MCTP1: variants seen among roughly 807,000 people sequenced by gnomAD.
MCTP1 encodes multiple C2 and transmembrane domain containing 1, also known as multiple C2 and transmembrane domain-containing protein 1.
Under a neutral mutation model 120.6 loss-of-function variants are expected in MCTP1, and 69 were observed. That is an observed-to-expected ratio of 0.57 (90% CI 0.47 to 0.70). The LOEUF is 0.70. MCTP1 is among the 30% of genes least tolerant of loss of function. The pLI is 0.00. For missense variants in MCTP1, 1,203 were observed against 1,248.8 expected (o/e 0.96, Z 0.55); for synonymous variants, 529 against 493.1 (o/e 1.07, Z -0.96).
Position 94,909,383 on chromosome 5 carries a change from T to C in MCTP1, c.1522-2A>G, listed in dbSNP as rs772689423. ...AGGATTCAACGTTTTTGGCATAATCTGGAAAAAAAAATCATAATTGTCATA... is the reference window on the plus strand; with the variant it reads ...AGGATTCAACGTTTTTGGCATAATCCGGAAAAAAAAATCATAATTGTCATA... On this transcript the variant is annotated splice_acceptor_variant, in intron 9 of 22. Transcript: ENST00000515393. LOFTEE classifies it high-confidence loss of function. 1.3e-6 allele frequency: 2 copies of C among 1,566,680 alleles called. No individual in the cohort carries two copies. Among genetic ancestry groups the C allele is most frequent in the Non-Finnish European group, 1.7e-6 (2 of 1,164,840 alleles).
intron 1 of MCTP1, among the ~76,000 whole-genome samples, chr5:95,099,447 C>CA (rs1157242818): frequency 6.6e-6 from 1 of 151,926 alleles, no homozygotes; most frequent in Non-Finnish European, 1.5e-5. Context: ...ACAACCCCAT[C>CA]AAAAAGTGGG....
At chr5:94,799,273 A>G in intron 17 of MCTP1, 141 bp from the exon 18 acceptor site, 2 of 749,674 alleles carry the variant, frequency 2.7e-6, no homozygotes, top group Non-Finnish European at 4.1e-6. Context: ...AGCCTTGGAA[A>G]CTTTTAGACA....
chr5:95,160,956 G>C (rs1467036285), intron 1 of MCTP1, among the ~76,000 whole-genome samples: 1 of 152,150 alleles, frequency 6.6e-6, no homozygotes, highest in Non-Finnish European at 1.5e-5. Flanking sequence ...GTGTTAGTAA[G>C]GGTGTGGAGA....
At chr5:94,707,647 CGG>C in intron 22 of MCTP1, 80 bp from the exon 23 acceptor site, 1 of 1,070,624 alleles carries the variant, frequency 9.3e-7, no homozygotes, top group Non-Finnish European at 1.4e-6. Flanking sequence ...GAATGAGAGA[CGG>C]TGCTTGGGGG....
At chr5:94,738,350 G>A (rs924480473) in intron 19 of MCTP1, among the ~76,000 whole-genome samples, 15 of 151,942 alleles carry the variant, frequency 9.9e-5, no homozygotes, top group Admixed American at 6.6e-4. Flanking sequence ...CTCTGCTTGA[G>A]AAAAATGAAA....
chr5:95,035,701 T>A lies in MCTP1; in HGVS notation c.721-18217A>T, dbSNP rs553147174. Among the ~76,000 whole-genome samples the A allele has an allele frequency of 5.9e-5, 9 of 152,256 alleles. No individual in the cohort carries two copies. In the East Asian group the frequency reaches 1.7e-3, roughly 29 times the overall value. ...TACAATCATGTAACAAACCTGCATA[T>A]GTACCTCTTGAATGTGTAATTAAAA... On this transcript the variant is annotated intron_variant, in intron 1 of 22. Coordinates refer to ENST00000515393, the MANE Select transcript of MCTP1 (RefSeq NM_024717.7).
intron 19 of MCTP1, among the ~76,000 whole-genome samples, chr5:94,747,953 A>C (rs998832635): frequency 2.0e-5 from 3 of 152,052 alleles, no homozygotes; most frequent in African/African-American, 7.2e-5. Flanking sequence ...TGCTCGGCGT[A>C]GTGGCGCGCG....
intron 2 of MCTP1, among the ~76,000 whole-genome samples, chr5:94,962,576 C>T (rs1293930112): frequency 6.6e-6 from 1 of 151,638 alleles, no homozygotes; most frequent in East Asian, 1.9e-4. Context: ...TTGCAGCAAC[C>T]TGGATGGGAT....
intron 18 of MCTP1, chr5:94,789,243 G>C (rs1372892901): frequency 1.3e-5 from 2 of 152,220 alleles, no homozygotes; most frequent in Non-Finnish European, 2.9e-5. Flanking sequence ...AAATATGAGA[G>C]TAACTGGAAA....
chr5:94,873,972 G>A lies in MCTP1; in HGVS notation c.1934-731C>T, dbSNP rs989171673. ...GCCATACTCAAATCTCATCCTTTCG[G>A]CAATTACATTTTGTGAAGTCCTTAA... On this transcript the variant is annotated intron_variant, in intron 12 of 22. Transcript: ENST00000515393. Among the ~76,000 whole-genome samples the A allele has an allele frequency of 9.2e-5, 14 of 151,574 alleles. No homozygotes were observed. The East Asian group carries it at 2.7e-3, about 29-fold the overall frequency.
intron 10 of MCTP1, among the ~76,000 whole-genome samples, chr5:94,906,075 C>A (rs757915967): frequency 6.6e-6 from 1 of 152,094 alleles, no homozygotes; most frequent in Non-Finnish European, 1.5e-5. Flanking sequence ...TCAGGTTAGA[C>A]GAAGGTTGAA....
chr5:94,909,547 A>G (rs1807897661), intron 9 of MCTP1, among the ~76,000 whole-genome samples, 166 bp from the exon 10 acceptor site: 1 of 152,162 alleles, frequency 6.6e-6, no homozygotes, highest in South Asian at 2.1e-4. Flanking sequence ...TTAGATCTCC[A>G]GCATCTTTAC....
rs1236500891 is a variant in MCTP1, at chr5:95,179,142, T to C, written c.720+104714A>G. Among the ~76,000 whole-genome samples, 3 of 152,256 alleles carry C rather than the reference T, an allele frequency of 2.0e-5. No homozygotes were observed. The South Asian group carries it at 6.2e-4, about 32-fold the overall frequency. Reference sequence around the variant, plus strand: ...CTGACAAAGACAAAGACAAAAAATATTTAAAAATGAACAAAGCCTCCAAGA... The same window carrying C: ...CTGACAAAGACAAAGACAAAAAATACTTAAAAATGAACAAAGCCTCCAAGA... On this transcript the variant is annotated intron_variant, in intron 1 of 22. Coordinates refer to ENST00000515393, the MANE Select transcript of MCTP1 (RefSeq NM_024717.7).
chr5:94,999,795 C>T (rs574547445), intron 2 of MCTP1, among the ~76,000 whole-genome samples: 1 of 152,226 alleles, frequency 6.6e-6, no homozygotes, highest in East Asian at 1.9e-4. Flanking sequence ...TAAGGAGTCC[C>T]AGACTTACAT....
chr5:94,888,902 C>G lies in MCTP1; in HGVS notation c.1910G>C (p.Gly637Ala). The change falls in exon 12 of 23, where the codon GGG becomes GCG. Residue 637 changes from glycine to alanine, a missense_variant. Around this residue, in one of 2 missense-constraint regions of MCTP1, gnomAD observed 740 missense variants for 871.1 expected, o/e 0.85. Transcript: ENST00000515393. Reference protein sequence around the residue: ...FLQVKVIRAEGLMAADVTGKS... With the variant: ...FLQVKVIRAEALMAADVTGKS... ...ACCAGTGACGTCGGCAGCCATTAAC[C>G]CTTCCGCTCTGATGACTTTCACCTG... is the stretch of plus-strand genomic sequence containing the variant. 1 of 1,613,438 alleles carries G rather than the reference C, an allele frequency of 6.2e-7. No individual in the cohort carries two copies. The highest frequency in any genetic ancestry group is 8.5e-7 in the Non-Finnish European group (1 of 1,179,432).
chr5:94,982,399 G>C (rs1422814155), intron 2 of MCTP1, among the ~76,000 whole-genome samples: 2 of 152,016 alleles, frequency 1.3e-5, no homozygotes, highest in African/African-American at 4.8e-5. Flanking sequence ...ATGGTGTATC[G>C]AGCACATAAT....
chr5:94,736,832 C>T (rs1672449023), intron 19 of MCTP1, among the ~76,000 whole-genome samples: 1 of 152,136 alleles, frequency 6.6e-6, no homozygotes, highest in African/African-American at 2.4e-5. Context: ...ACTGAGATAA[C>T]ATGGAGAGGT....
chr5:95,197,006 G>A (rs547679375), intron 1 of MCTP1, among the ~76,000 whole-genome samples: 8 of 152,112 alleles, frequency 5.3e-5, no homozygotes, highest in Non-Finnish European at 1.0e-4. Context: ...TTGATGGTAA[G>A]GTTTTAATTA....
intron 20 of MCTP1, 145 bp from the exon 21 acceptor site, chr5:94,711,072 C>T (rs950587267): frequency 6.1e-6 from 4 of 650,748 alleles, no homozygotes; most frequent in African/African-American, 5.5e-5. Flanking sequence ...TCAGAGGACG[C>T]AGGCTAGCCA....
Sources: gnomAD v4.1 joint callset for allele counts (sites outside exome capture counted in the v4.1 genomes callset) on GRCh38, gnomAD v4.1.1 for gene constraint, gnomAD v4.1.1 regional missense constraint, MANE v1.5 for transcripts, NCBI Gene and HGNC (gene_info 2026-07-23, HGNC 2026-07-21) for gene names.